Variants in COL22A1 observed in about 807,000 individuals in gnomAD.
COL22A1 encodes the protein collagen alpha-1(XXII) chain.
Under a neutral mutation model 248.9 loss-of-function variants are expected in COL22A1, and 221 were observed. The observed-to-expected ratio is 0.89, with a 90% CI of 0.80 to 0.99. The LOEUF is 0.99. COL22A1 is among the 50% of genes least tolerant of loss of function. The probability of loss-of-function intolerance (pLI) is 0.00; values close to 1 mark genes in which losing one functional copy is unlikely to be tolerated. For synonymous variants in COL22A1, 891 were observed against 793.4 expected (o/e 1.12, Z -2.07); for missense variants, 2,240 against 2,179.0 (o/e 1.03, Z -0.56).
intron 47 of COL22A1, among the ~76,000 whole-genome samples, chr8:138,644,022 T>A (rs972456418): frequency 1.3e-5 from 2 of 152,212 alleles, no homozygotes; most frequent in Non-Finnish European, 2.9e-5. Flanking sequence ...CCTCATGTGA[T>A]CTGTCTGCTT....
At chr8:138,887,453 C>T (rs989965236) in intron 1 of COL22A1, among the ~76,000 whole-genome samples, 4 of 152,248 alleles carry the variant, frequency 2.6e-5, no homozygotes, top group African/African-American at 7.2e-5. Flanking sequence ...GTCCTGACCT[C>T]GTGATCCACC....
At chr8:138,867,345 T>C (rs1822980040) in intron 3 of COL22A1, among the ~76,000 whole-genome samples, 1 of 152,150 alleles carries the variant, frequency 6.6e-6, no homozygotes, top group South Asian at 2.1e-4. Context: ...TCTGCTCAAC[T>C]CCCTCTCTGT....
intron 1 of COL22A1, among the ~76,000 whole-genome samples, chr8:138,900,604 G>A (rs1463808309): frequency 1.3e-5 from 2 of 152,182 alleles, no homozygotes; most frequent in Non-Finnish European, 2.9e-5. Context: ...CCATATCTGT[G>A]TATTCTTGAG....
intron 3 of COL22A1, among the ~76,000 whole-genome samples, chr8:138,868,657 G>A (rs911719518): frequency 6.6e-6 from 1 of 151,902 alleles, no homozygotes; most frequent in Non-Finnish European, 1.5e-5. Flanking sequence ...GGCCATCACT[G>A]TATCAAGAGT....
In COL22A1 at chr8:138,823,920, C is replaced by T. The variant is rs538908751; in HGVS notation, c.970-2509G>A. Among the ~76,000 whole-genome samples, 9 of 152,250 alleles carry T rather than the reference C, an allele frequency of 5.9e-5. No homozygotes were observed. The South Asian group carries it at 1.5e-3, about 25-fold the overall frequency. On this transcript the variant is annotated intron_variant, in intron 6 of 64. Transcript: ENST00000303045. ...AAGGAATGAACAAATGAATAAGAGT[C>T]TCTGTAGTTAAAGGAAGGTGCTCAC...
intron 12 of COL22A1, among the ~76,000 whole-genome samples, chr8:138,788,765 G>A (rs1205580386): frequency 1.3e-5 from 2 of 152,178 alleles, no homozygotes; most frequent in Non-Finnish European, 2.9e-5. Context: ...CACTATGCTG[G>A]TGCAATGGTA....
chr8:138,862,167 G>A (rs745344568), intron 3 of COL22A1, among the ~76,000 whole-genome samples: 1 of 152,018 alleles, frequency 6.6e-6, no homozygotes, highest in African/African-American at 2.4e-5. Flanking sequence ...GCAGTGAGCC[G>A]AGATAGCACC....
At chr8:138,685,136 A>G (rs1826242286) in intron 38 of COL22A1, 72 bp downstream of exon 38, 6 of 1,099,878 alleles carry the variant, frequency 5.5e-6, no homozygotes, top group Non-Finnish European at 6.8e-6. Flanking sequence ...TGGCAGTTAG[A>G]TTTTTTTCCT....
rs1287777279 is a variant in COL22A1, at chr8:138,716,093, A to T, written c.2463+134T>A. On this transcript the variant is annotated intron_variant, in intron 29 of 64. Transcript: ENST00000303045. Reference sequence around the variant, plus strand: ...TCTTATCCCCTTCCCCGTCCCTTCCATCAACACTGAGAAATACACTCTTCA... The same window carrying T: ...TCTTATCCCCTTCCCCGTCCCTTCCTTCAACACTGAGAAATACACTCTTCA... 5 of 707,960 alleles carry T rather than the reference A, an allele frequency of 7.1e-6. No homozygotes were observed. The East Asian group carries it at 1.4e-4, about 19-fold the overall frequency. 43.9% of individuals were successfully genotyped at this position (707,960 alleles called of 1,614,324 possible). A position where few individuals can be genotyped will look rare whatever the true frequency, so the allele number is the denominator to read the frequency against.
At chr8:138,614,006 C>T (rs1819114670) in intron 55 of COL22A1, 86 bp from the exon 56 acceptor site, 5 of 1,065,836 alleles carry the variant, frequency 4.7e-6, no homozygotes, top group East Asian at 2.4e-5. Context: ...AACCAAACCT[C>T]GCCAAGTTAC....
At chr8:138,709,506 A>G (rs1157062574) in intron 30 of COL22A1, among the ~76,000 whole-genome samples, 2 of 152,052 alleles carry the variant, frequency 1.3e-5, no homozygotes, top group Non-Finnish European at 2.9e-5. Context: ...ATGAAGCTGG[A>G]AATCATCATT....
In COL22A1 at chr8:138,589,341, G is replaced by A; in HGVS notation, c.4793C>T (p.Pro1598Leu). ...GTCACATTGGCCTGGGGGACCGGGAGGTCCTGGGAGGCCAGGATGTCCAGC... is the reference window on the plus strand; with the variant it reads ...GTCACATTGGCCTGGGGGACCGGGAAGTCCTGGGAGGCCAGGATGTCCAGC... ...GPAGHPGLPG[P>L]PGPPGQCDPS... The change falls in exon 65 of 65, where the codon CCT (proline) becomes CTT (leucine). Residue 1598 changes from proline (P) to leucine (L), a missense_variant. Transcript: ENST00000303045. 1.2e-6 allele frequency: 2 copies of A among 1,611,964 alleles called. No homozygotes were observed. Among genetic ancestry groups the A allele is most frequent in the African/African-American group, 2.7e-5 (2 of 74,888 alleles).
chr8:138,598,847 G>A lies in COL22A1; in HGVS notation c.4237C>T (p.Pro1413Ser). 1 of 1,614,154 alleles carries A rather than the reference G, an allele frequency of 6.2e-7. No homozygotes were observed. Among genetic ancestry groups the A allele is most frequent in the East Asian group, 2.2e-5 (1 of 44,866 alleles). ...DKGPPGGKGQPGDPGIPGHKG... is the reference protein window; with the variant it reads ...DKGPPGGKGQSGDPGIPGHKG... ...TGGCCTGGGATTCCAGGGTCCCCAG[G>A]CTGGCCTTTTCCACCAGGAGGTCCT... is the stretch of plus-strand genomic sequence containing the variant. The change falls in exon 61 of 65, where the codon CCT becomes TCT. Residue 1413 changes from proline (P) to serine (S), a missense_variant. Physicochemically the swap from Pro to Ser is moderately conservative, Grantham distance 74. Coordinates refer to ENST00000303045, the MANE Select transcript of COL22A1 (RefSeq NM_152888.3).
chr8:138,878,267 G>A lies in COL22A1; in HGVS notation c.141C>T (p.Ser47=). 6.3e-7 allele frequency: 1 copy of A among 1,582,876 alleles called. No homozygotes were observed. Among genetic ancestry groups the A allele is most frequent in the Non-Finnish European group, 8.6e-7 (1 of 1,164,118 alleles). The change falls in exon 3 of 65, where the codon TCC becomes TCT. Residue 47 remains serine, a synonymous_variant. Coordinates refer to ENST00000303045, the MANE Select transcript of COL22A1 (RefSeq NM_152888.3). ...YDLVFLLDTS[S]SVGKEDFEKV... The stretch of plus-strand genomic sequence containing the variant: ...TCTCAAAGTCCTCCTTGCCCACGCT[G>A]GAGGAGGTGTCCAGGAGGAAGACCA...
intron 62 of COL22A1, among the ~76,000 whole-genome samples, chr8:138,596,084 A>C (rs1276988938): frequency 6.6e-6 from 1 of 152,222 alleles, no homozygotes; most frequent in East Asian, 1.9e-4. Context: ...CATGAGCCTC[A>C]TGAGATTGTT....
chr8:138,839,274 C>G (rs181635433), intron 4 of COL22A1, among the ~76,000 whole-genome samples: 3 of 152,212 alleles, frequency 2.0e-5, no homozygotes, highest in Non-Finnish European at 4.4e-5. Context: ...GAACAAGCAT[C>G]TGGGCTACTG....
chr8:138,688,959 G>T lies in COL22A1; in HGVS notation c.2820C>A (p.Gly940=), dbSNP rs768312605. ...CATCTTTCCCTGGGGTGCCTCTGAG[G>T]CCGGGAGCACCCTGTGGCAAGGAAG... ...SGPPGSVGAP[G]LRGTPGKDGE... Residue 940 remains glycine, a synonymous_variant, in exon 37 of 65, where the codon GGC becomes GGA. Coordinates refer to ENST00000303045, the MANE Select transcript of COL22A1 (RefSeq NM_152888.3). 1 of 1,613,064 alleles carries T rather than the reference G, an allele frequency of 6.2e-7. No individual in the cohort carries two copies. Among genetic ancestry groups the T allele is most frequent in the Non-Finnish European group, 8.5e-7 (1 of 1,179,180 alleles).
intron 1 of COL22A1, among the ~76,000 whole-genome samples, chr8:138,906,233 G>T (rs1427257309): frequency 1.1e-4 from 17 of 152,086 alleles, no homozygotes; most frequent in Admixed American, 1.1e-3. Flanking sequence ...AGCCAGGCAT[G>T]GTGGCGGGCA....
At chr8:138,759,958 T>C (rs1206165302) in intron 18 of COL22A1, among the ~76,000 whole-genome samples, 2 of 151,796 alleles carry the variant, frequency 1.3e-5, no homozygotes, top group Admixed American at 1.3e-4. Context: ...TTAATACATC[T>C]AAATATTATA....
Sources: gnomAD v4.1 joint callset for allele counts (sites outside exome capture counted in the v4.1 genomes callset) on GRCh38, gnomAD v4.1.1 for gene constraint, MANE v1.5 for transcripts, NCBI Gene and HGNC (gene_info 2026-07-23, HGNC 2026-07-21) for gene names.